The following TOM1L1 variants were observed in gnomAD, a reference collection of about 807,000 sequenced individuals.
TOM1L1 encodes target of myb1 like 1 membrane trafficking protein.
TOM1L1 carries 64 observed loss-of-function variants against 63.4 expected under a neutral mutation model. The observed-to-expected ratio is 1.01, with a 90% CI of 0.83 to 1.24. The LOEUF (loss-of-function observed/expected upper bound fraction) is 1.24, where lower values mean the gene tolerates loss of function less well. Ranked by LOEUF, TOM1L1 falls within the 50% of genes most tolerant of loss-of-function variation. The pLI is 0.00. For missense variants in TOM1L1, 536 were observed against 567.0 expected (o/e 0.95, Z 0.55); for synonymous variants, 166 against 194.4 (o/e 0.85, Z 1.22).
chr17:54,935,905 C>A (rs940877747), intron 8 of TOM1L1, among the ~76,000 whole-genome samples: 2 of 152,080 alleles, frequency 1.3e-5, no homozygotes, highest in African/African-American at 2.4e-5. Flanking sequence ...GGCGGATCAC[C>A]TGAGGTCGGG....
At chr17:54,936,761 C>A in intron 9 of TOM1L1, 52 bp downstream of exon 9, 2 of 1,486,854 alleles carry the variant, frequency 1.3e-6, no homozygotes, top group South Asian at 1.2e-5. Context: ...TTGCCAATTA[C>A]AGTGAGAAGC....
chr17:54,932,700 C>G (rs905350142), intron 8 of TOM1L1, among the ~76,000 whole-genome samples: 1 of 152,112 alleles, frequency 6.6e-6, no homozygotes, highest in Non-Finnish European at 1.5e-5. Flanking sequence ...GGATTACAGG[C>G]GTGAGCCACC....
In TOM1L1 at chr17:54,961,306, T is replaced by C. The variant is rs1391656698; in HGVS notation, c.*73T>C. On this transcript the variant is annotated 3_prime_UTR_variant, in exon 16 of 16. Transcript: ENST00000575882. The stretch of plus-strand genomic sequence containing the variant: ...TCTAAAACGTAGACTCTGTGCAGCT[T>C]TGAAGCCTGGAAGACAATACCTACC... The C allele has an allele frequency of 1.3e-6, 2 of 1,551,562 alleles. No individual in the cohort carries two copies. The highest frequency in any genetic ancestry group is 2.4e-5 in the South Asian group (2 of 84,056).
intron 3 of TOM1L1, among the ~76,000 whole-genome samples, 189 bp from the exon 4 acceptor site, chr17:54,912,477 C>A (rs373470786): frequency 6.6e-6 from 1 of 152,184 alleles, no homozygotes; most frequent in Non-Finnish European, 1.5e-5. Context: ...GTCCTCCAGA[C>A]TGTTACATTA....
intron 11 of TOM1L1, among the ~76,000 whole-genome samples, chr17:54,946,994 G>A (rs2049130210): frequency 6.6e-6 from 1 of 152,068 alleles, no homozygotes; most frequent in African/African-American, 2.4e-5. Context: ...GAAACGATGG[G>A]GTGGTAGCTA....
intron 3 of TOM1L1, among the ~76,000 whole-genome samples, chr17:54,911,366 T>C (rs1393978143): frequency 7.2e-5 from 11 of 152,214 alleles, no homozygotes; most frequent in Admixed American, 6.5e-4. Flanking sequence ...CTTCTCATTG[T>C]AGGCAGCCTT....
At chr17:54,952,414 G>A (rs1352112271) in intron 14 of TOM1L1, 1 of 152,008 alleles carries the variant, frequency 6.6e-6, no homozygotes, top group Non-Finnish European at 1.5e-5. Context: ...AGGTGTGGTG[G>A]TGCGCACCTG....
chr17:54,935,118 G>A (rs2048925248), intron 8 of TOM1L1, among the ~76,000 whole-genome samples: 1 of 152,202 alleles, frequency 6.6e-6, no homozygotes, highest in Non-Finnish European at 1.5e-5. Context: ...CTTTGTGTGA[G>A]CAATAAAGCT....
At chr17:54,915,059 G>A (rs1428428736) in intron 6 of TOM1L1, among the ~76,000 whole-genome samples, 2 of 152,144 alleles carry the variant, frequency 1.3e-5, no homozygotes, top group African/African-American at 4.8e-5. Flanking sequence ...CTTCTGGTAG[G>A]ACTGTCACAT....
intron 7 of TOM1L1, among the ~76,000 whole-genome samples, chr17:54,928,062 A>C (rs571088611): frequency 1.3e-5 from 2 of 152,206 alleles, no homozygotes; most frequent in African/African-American, 4.8e-5. Context: ...CAACAAGAAG[A>C]CCAATTTCTG....
chr17:54,916,850 G>A (rs971202321), intron 7 of TOM1L1: 4 of 152,108 alleles, frequency 2.6e-5, no homozygotes, highest in Admixed American at 6.6e-5. Flanking sequence ...TGCAAACTTT[G>A]AGTGCTTGCA....
At position 54,930,059 on chromosome 17, in the gene TOM1L1, C is replaced by T; in HGVS notation, c.721-14C>T. The T allele has an allele frequency of 6.2e-7, 1 of 1,613,920 alleles. No homozygotes were observed. Among genetic ancestry groups the T allele is most frequent in the Non-Finnish European group, 8.5e-7 (1 of 1,179,896 alleles). On this transcript the variant is annotated splice_polypyrimidine_tract_variant and intron_variant, in intron 7 of 15. Transcript: ENST00000575882. ...CAAGTGTGGAAGAAGAAATCTCTCT[C>T]CTTTCTTTGACAGAAACTCTATAAA...
intron 8 of TOM1L1, among the ~76,000 whole-genome samples, chr17:54,932,215 G>A (rs2048874714): frequency 6.6e-6 from 1 of 152,108 alleles, no homozygotes; most frequent in Admixed American, 6.5e-5. Context: ...CGTTTTAAGG[G>A]CTCACAACTC....
chr17:54,949,955 T>C, intron 13 of TOM1L1, 90 bp from the exon 14 acceptor site: 1 of 1,023,334 alleles, frequency 9.8e-7, no homozygotes, highest in East Asian at 2.5e-5. Context: ...TAGGATCTAA[T>C]ATTTGAAGTC....
chr17:54,906,571 C>G (rs987639304), intron 3 of TOM1L1, among the ~76,000 whole-genome samples: 8 of 151,924 alleles, frequency 5.3e-5, no homozygotes, highest in Non-Finnish European at 1.0e-4. Context: ...TGTAAGCTTT[C>G]TGCCTTACTT....
intron 3 of TOM1L1, among the ~76,000 whole-genome samples, chr17:54,908,599 C>T (rs749787540): frequency 2.6e-5 from 4 of 152,102 alleles, no homozygotes; most frequent in South Asian, 2.1e-4. Flanking sequence ...TTGAGTTCTC[C>T]GTGGACGTGT....
At chr17:54,902,599 T>C (rs929090180) in intron 1 of TOM1L1, among the ~76,000 whole-genome samples, 1 of 152,190 alleles carries the variant, frequency 6.6e-6, no homozygotes, top group Non-Finnish European at 1.5e-5. Context: ...CCTCAAGTGG[T>C]TCTTTTCCTG....
chr17:54,929,986 C>A, intron 7 of TOM1L1, 87 bp from the exon 8 acceptor site: 1 of 1,547,500 alleles, frequency 6.5e-7, no homozygotes, highest in Non-Finnish European at 8.8e-7. Flanking sequence ...GTGGAGGTGA[C>A]TGTAGGTATG....
At chr17:54,937,537 C>T (rs1192394556) in intron 10 of TOM1L1, 1 of 287,638 alleles carries the variant, frequency 3.5e-6, no homozygotes, top group Non-Finnish European at 6.6e-6. Context: ...TGAACCTACA[C>T]ACTATTATCA....
Sources: allele counts gnomAD v4.1 joint callset (sites outside exome capture counted in the v4.1 genomes callset), GRCh38; gene constraint gnomAD v4.1.1; transcripts MANE v1.5; gene names NCBI Gene and HGNC (gene_info 2026-07-23, HGNC 2026-07-21).